The following MDGA2 variants were observed in gnomAD, a reference collection of about 807,000 sequenced individuals.
MDGA2 encodes MAM domain containing glycosylphosphatidylinositol anchor 2.
MDGA2 carries 40 observed loss-of-function variants against 117.8 expected under a neutral mutation model. The observed-to-expected ratio is 0.34, with a 90% CI of 0.26 to 0.44. The LOEUF (loss-of-function observed/expected upper bound fraction) is 0.44. Ranked by LOEUF, MDGA2 falls within the 20% of genes least tolerant of loss-of-function variation. MDGA2 has a pLI of 1.00. For missense variants in MDGA2, 1,123 were observed against 1,250.6 expected (o/e 0.90, Z 1.54); for synonymous variants, 452 against 439.0 (o/e 1.03, Z -0.37).
At chr14:47,417,768 G>A (rs568756574) in intron 1 of MDGA2, among the ~76,000 whole-genome samples, 55 of 152,218 alleles carry the variant, frequency 3.6e-4, no homozygotes, top group Non-Finnish European at 6.8e-4. Flanking sequence ...AGGATGGACT[G>A]CAGTGGCACC....
chr14:47,640,903 G>T (rs1486358778), intron 1 of MDGA2, among the ~76,000 whole-genome samples: 1 of 152,050 alleles, frequency 6.6e-6, no homozygotes, highest in Non-Finnish European at 1.5e-5. Flanking sequence ...ACTTGTTTCT[G>T]GTTCACAGCT....
At chr14:47,034,910 T>C (rs972247196) in intron 8 of MDGA2, 101 bp downstream of exon 8, 15 of 1,012,154 alleles carry the variant, frequency 1.5e-5, no homozygotes, top group African/African-American at 3.2e-5. Flanking sequence ...AAATAGTTCA[T>C]TCAATCTAGT....
At chr14:46,959,439 T>A (rs929651987) in intron 8 of MDGA2, among the ~76,000 whole-genome samples, 2 of 152,126 alleles carry the variant, frequency 1.3e-5, no homozygotes, top group East Asian at 3.8e-4. Context: ...TTTATTCTTA[T>A]ACTTTCAGTA....
intron 8 of MDGA2, among the ~76,000 whole-genome samples, chr14:46,993,713 G>A (rs754489103): frequency 1.1e-4 from 16 of 152,046 alleles, no homozygotes; most frequent in African/African-American, 1.4e-4. Flanking sequence ...CGCCAATCTC[G>A]GCCTCCCAGA....
Position 46,840,292 on chromosome 14 carries a change from A to T in MDGA2, c.*1639T>A, listed in dbSNP as rs1035782857. On this transcript the variant is annotated 3_prime_UTR_variant, in exon 17 of 17. Coordinates refer to ENST00000399232, the MANE Select transcript of MDGA2 (RefSeq NM_001113498.3). The stretch of plus-strand genomic sequence containing the variant: ...TTATATTCCAATTGCTTGCATAATC[A>T]GTTTTTTTAATCCTGGGGTGTTGAA... 2 of 152,232 alleles carry T rather than the reference A, an allele frequency of 1.3e-5. No homozygotes were observed. The highest frequency in any genetic ancestry group is 6.6e-5 in the Admixed American group (1 of 15,202). The allele number at this position is 152,232 out of a possible 1,614,324, so 9.4% of individuals were successfully genotyped here. A position where few individuals can be genotyped will look rare whatever the true frequency, so the allele number is the denominator to read the frequency against.
At chr14:46,865,030 C>G (rs10136066) in intron 14 of MDGA2, among the ~76,000 whole-genome samples, 55,309 of 151,738 alleles carry the variant, frequency 0.36, 10,708 homozygotes, top group South Asian at 0.53. Flanking sequence ...AAAAAAAATC[C>G]CAATATGTGA....
At chr14:47,298,675 T>C (rs1375071721) in intron 2 of MDGA2, among the ~76,000 whole-genome samples, 1 of 139,828 alleles carries the variant, frequency 7.2e-6, no homozygotes, top group Non-Finnish European at 1.5e-5. Flanking sequence ...GAGGCCCACT[T>C]AATTTTTCTT....
intron 7 of MDGA2, among the ~76,000 whole-genome samples, chr14:47,055,003 T>TTG (rs562000896): frequency 2.2e-3 from 3 of 1,382 alleles, no homozygotes; most frequent in Non-Finnish European, 4.6e-3. Flanking sequence ...TTTTCTTTTC[T>TTG]TTTTTTTTTT....
intron 3 of MDGA2, among the ~76,000 whole-genome samples, chr14:47,194,941 T>C (rs1252031184): frequency 6.6e-6 from 1 of 152,098 alleles, no homozygotes; most frequent in East Asian, 1.9e-4. Flanking sequence ...TTGTGTTTTC[T>C]GTTGCAATGT....
chr14:47,286,538 T>C (rs1480689726), intron 2 of MDGA2, among the ~76,000 whole-genome samples: 5 of 151,898 alleles, frequency 3.3e-5, no homozygotes, highest in African/African-American at 1.2e-4. Flanking sequence ...GTTCCATCCA[T>C]GGTGTAGCAA....
chr14:47,184,055 T>C (rs1884814276), intron 3 of MDGA2, among the ~76,000 whole-genome samples: 1 of 152,012 alleles, frequency 6.6e-6, no homozygotes. Flanking sequence ...TTTCCTCTAT[T>C]ACACATTCAC....
At chr14:47,175,242 C>A (rs1364216257) in intron 3 of MDGA2, among the ~76,000 whole-genome samples, 1 of 151,780 alleles carries the variant, frequency 6.6e-6, no homozygotes, top group East Asian at 1.9e-4. Flanking sequence ...TGGTACCATT[C>A]CTTGTGAAAC....
intron 3 of MDGA2, among the ~76,000 whole-genome samples, chr14:47,192,656 A>T (rs943032265): frequency 1.3e-5 from 2 of 152,046 alleles, no homozygotes; most frequent in African/African-American, 4.8e-5. Flanking sequence ...ATAAATAAAC[A>T]AGATATGGAA....
intron 1 of MDGA2, among the ~76,000 whole-genome samples, chr14:47,369,418 A>G (rs1004346753): frequency 6.6e-6 from 1 of 152,138 alleles, no homozygotes; most frequent in Non-Finnish European, 1.5e-5. Flanking sequence ...TTAAAGAGAA[A>G]GAATAGTTTT....
At chr14:46,935,255 G>A (rs1044521441) in intron 9 of MDGA2, among the ~76,000 whole-genome samples, 2 of 152,012 alleles carry the variant, frequency 1.3e-5, no homozygotes, top group African/African-American at 2.4e-5. Flanking sequence ...TGTAGTGAGT[G>A]CACCTTTGTT....
intron 6 of MDGA2, among the ~76,000 whole-genome samples, chr14:47,088,862 ACAGT>A (rs1471576549): frequency 3.9e-5 from 6 of 152,220 alleles, no homozygotes; most frequent in African/African-American, 7.2e-5. Context: ...AAAGCCAGTG[ACAGT>A]CAGTTCTATC....
intron 1 of MDGA2, among the ~76,000 whole-genome samples, chr14:47,376,501 A>G (rs1022233535): frequency 6.6e-6 from 1 of 152,170 alleles, no homozygotes; most frequent in African/African-American, 2.4e-5. Flanking sequence ...CTACAAGCAT[A>G]ACTTTATTTT....
At chr14:47,547,364 A>G (rs1446159017) in intron 1 of MDGA2, among the ~76,000 whole-genome samples, 1 of 152,172 alleles carries the variant, frequency 6.6e-6, no homozygotes, top group Non-Finnish European at 1.5e-5. Context: ...TTGCACCTCT[A>G]TTTTGTATCA....
intron 8 of MDGA2, among the ~76,000 whole-genome samples, chr14:46,961,886 C>G (rs1169948502): frequency 6.6e-6 from 1 of 152,156 alleles, no homozygotes; most frequent in Admixed American, 6.5e-5. Context: ...TCGTGATCCA[C>G]CTGCCTTGGC....
Sources: allele counts gnomAD v4.1 joint callset (sites outside exome capture counted in the v4.1 genomes callset), GRCh38; gene constraint gnomAD v4.1.1; transcripts MANE v1.5; gene names NCBI Gene and HGNC (gene_info 2026-07-23, HGNC 2026-07-21).